The following INO80 variants were observed in gnomAD, a reference collection of about 807,000 sequenced individuals.
The protein encoded by INO80 is INO80 complex ATPase subunit, also known as chromatin-remodeling ATPase INO80.
A neutral mutation model predicts 203.4 loss-of-function variants in INO80; 20 were observed. The observed-to-expected ratio is 0.10, with a 90% CI of 0.07 to 0.14. The LOEUF (loss-of-function observed/expected upper bound fraction) is 0.14. Among genes scored for constraint, INO80 ranks in the 10% least tolerant of loss-of-function variants. The pLI is 1.00. For synonymous variants in INO80, 726 were observed against 685.2 expected (o/e 1.06, Z -0.93); for missense variants, 1,419 against 1,914.4 (o/e 0.74, Z 4.83).
intron 25 of INO80, among the ~76,000 whole-genome samples, chr15:41,026,770 C>T (rs143772960): frequency 0.016 from 2,479 of 152,270 alleles, 268 homozygotes; most frequent in Admixed American, 0.15. Flanking sequence ...AACCTGGCCA[C>T]AGTTCGATTA....
In INO80 at chr15:41,026,036, CCAAA is replaced by C. The variant is rs554783177; in HGVS notation, c.3048+1556_3048+1559del. ...ATACTTTCTGGATAGCCAGTATAAACCAAACAAAGTTGATAGTGACAAGGGAATT... is the reference window on the plus strand; with the variant it reads ...ATACTTTCTGGATAGCCAGTATAAACCAAAGTTGATAGTGACAAGGGAATT... On this transcript the variant is annotated intron_variant, in intron 25 of 35. Transcript: ENST00000648947. Among the ~76,000 whole-genome samples the C allele has an allele frequency of 2.7e-3, 409 of 152,302 alleles. 3 individuals are homozygous for C. Among genetic ancestry groups the C allele is most frequent in the South Asian group, 0.013 (62 of 4,826 alleles).
chr15:41,050,779 C>A (rs1182490102), intron 19 of INO80, among the ~76,000 whole-genome samples: 4 of 152,160 alleles, frequency 2.6e-5, no homozygotes, highest in African/African-American at 9.7e-5. Flanking sequence ...GCTGAAAAAT[C>A]TTCAATGTGC....
At chr15:40,997,469 C>CA in intron 29 of INO80, 60 bp downstream of exon 29, 1 of 1,112,568 alleles carries the variant, frequency 9.0e-7, no homozygotes, top group Non-Finnish European at 1.4e-6. Flanking sequence ...GAAAAACCTA[C>CA]ATAGTAGGTT....
chr15:41,097,877 T>C (rs908906496), intron 1 of INO80, among the ~76,000 whole-genome samples: 3 of 151,956 alleles, frequency 2.0e-5, no homozygotes, highest in Admixed American at 6.6e-5. Flanking sequence ...CACTTGAACC[T>C]GGGAGGCAGA....
intron 4 of INO80, among the ~76,000 whole-genome samples, chr15:41,094,853 C>T (rs556064516): frequency 3.5e-4 from 53 of 152,176 alleles, no homozygotes; most frequent in African/African-American, 1.2e-3. Flanking sequence ...CACACCTGAC[C>T]TCACGCGACA....
intron 24 of INO80, among the ~76,000 whole-genome samples, chr15:41,032,962 C>T (rs571809813): frequency 2.0e-5 from 3 of 152,164 alleles, no homozygotes; most frequent in East Asian, 3.9e-4. Context: ...CACTTGAACC[C>T]GGGAGGCGGA....
At chr15:41,104,721 G>T (rs1026315778) in intron 1 of INO80, among the ~76,000 whole-genome samples, 1 of 151,750 alleles carries the variant, frequency 6.6e-6, no homozygotes, top group African/African-American at 2.4e-5. Flanking sequence ...TTGTATTTTA[G>T]TAGAGACGAG....
chr15:40,989,772 G>C (rs1566901027), intron 29 of INO80, among the ~76,000 whole-genome samples: 1 of 152,280 alleles, frequency 6.6e-6, no homozygotes, highest in African/African-American at 2.4e-5. Context: ...CTGCTATAGA[G>C]AGCCAACTTT....
intron 14 of INO80, among the ~76,000 whole-genome samples, chr15:41,063,410 A>C (rs894540307): frequency 6.6e-6 from 1 of 152,136 alleles, no homozygotes; most frequent in African/African-American, 2.4e-5. Context: ...AACAATTAGG[A>C]AGGAAGACTT....
intron 24 of INO80, among the ~76,000 whole-genome samples, chr15:41,036,994 T>G (rs1001212271): frequency 1.3e-5 from 2 of 152,036 alleles, no homozygotes; most frequent in Non-Finnish European, 2.9e-5. Flanking sequence ...TCCCAGCTAC[T>G]TGGGAGGCTG....
intron 18 of INO80, 118 bp downstream of exon 18, chr15:41,055,128 TC>T: frequency 1.9e-6 from 1 of 538,032 alleles, no homozygotes; most frequent in Admixed American, 3.0e-5. Flanking sequence ...GTGGTTTTCT[TC>T]CCCGCTGATT....
Position 41,095,893 on chromosome 15 carries a change from G to C in INO80, c.179C>G (p.Pro60Arg). The C allele has an allele frequency of 1.2e-6, 2 of 1,613,854 alleles. No homozygotes were observed. Among genetic ancestry groups the C allele is most frequent in the Non-Finnish European group, 1.7e-6 (2 of 1,179,854 alleles). Reference sequence around the variant, plus strand: ...GGGATCCCCAGACTGGGGCAATAATGGATTACTGTCATCCAGTCCATCTTC... The same window carrying C: ...GGGATCCCCAGACTGGGGCAATAATCGATTACTGTCATCCAGTCCATCTTC... ...DSEDGLDDSN[P>R]LLPQSGDPLI... The change falls in exon 3 of 36, where the codon CCA becomes CGA. Residue 60 changes from proline to arginine, a missense_variant. Transcript: ENST00000648947.
chr15:41,067,954 A>G (rs1323318086), intron 14 of INO80, among the ~76,000 whole-genome samples: 1 of 152,206 alleles, frequency 6.6e-6, no homozygotes, highest in East Asian at 1.9e-4. Flanking sequence ...TTCATAACTA[A>G]GCAGCTGTTT....
chr15:41,095,091 C>T (rs1183106647), intron 4 of INO80, among the ~76,000 whole-genome samples: 3 of 151,416 alleles, frequency 2.0e-5, no homozygotes, highest in Non-Finnish European at 4.4e-5. Flanking sequence ...ATAATCCCAG[C>T]ACTTTGGGAG....
intron 1 of INO80, among the ~76,000 whole-genome samples, chr15:41,111,901 T>G (rs1470374075): frequency 1.3e-5 from 2 of 151,800 alleles, no homozygotes; most frequent in African/African-American, 4.8e-5. Context: ...CAAGATACAT[T>G]AAAAAATGTT....
At chr15:41,057,439 A>G (rs770902400) in intron 16 of INO80, among the ~76,000 whole-genome samples, 1 of 145,036 alleles carries the variant, frequency 6.9e-6, no homozygotes, top group Non-Finnish European at 1.5e-5. Context: ...TGGGCAACAG[A>G]GCAAGACCCT....
intron 25 of INO80, among the ~76,000 whole-genome samples, chr15:41,024,177 G>C (rs912465289): frequency 4.6e-5 from 7 of 152,126 alleles, no homozygotes; most frequent in African/African-American, 1.7e-4. Context: ...ACTGTTCTTA[G>C]TGAAATATTT....
intron 14 of INO80, among the ~76,000 whole-genome samples, chr15:41,062,888 T>C (rs146836629): frequency 6.6e-5 from 10 of 152,294 alleles, no homozygotes; most frequent in South Asian, 4.1e-4. Flanking sequence ...TGTTTTGTTA[T>C]AGCAGCACAA....
chr15:41,079,936 G>A, intron 8 of INO80, 32 bp from the exon 9 acceptor site: 1 of 1,594,024 alleles, frequency 6.3e-7, no homozygotes, highest in Non-Finnish European at 8.6e-7. Context: ...CAGCGGAAAG[G>A]ACCCCATACC....
Sources: gnomAD v4.1 joint callset for allele counts (sites outside exome capture counted in the v4.1 genomes callset) on GRCh38, gnomAD v4.1.1 for gene constraint, MANE v1.5 for transcripts, NCBI Gene and HGNC (gene_info 2026-07-23, HGNC 2026-07-21) for gene names.